PDSS2: variants seen among roughly 807,000 people sequenced by gnomAD.
The protein encoded by PDSS2 is decaprenyl diphosphate synthase subunit 2.
A neutral mutation model predicts 44.5 loss-of-function variants in PDSS2; 31 were observed. That is an observed-to-expected ratio of 0.70 (90% CI 0.52 to 0.94). PDSS2 has a LOEUF of 0.94. Ranked by LOEUF, PDSS2 falls within the 40% of genes least tolerant of loss-of-function variation. PDSS2 has a pLI of 0.00. For missense variants in PDSS2, 452 were observed against 482.2 expected (o/e 0.94, Z 0.59); for synonymous variants, 157 against 180.3 (o/e 0.87, Z 1.03).
Position 107,245,556 on chromosome 6 carries a change from T to C in PDSS2, c.694A>G (p.Thr232Ala). 1.3e-6 allele frequency: 2 copies of C among 1,569,532 alleles called. No homozygotes were observed. The highest frequency in any genetic ancestry group is 1.7e-6 in the Non-Finnish European group (2 of 1,143,550). ...LVQGVYHENS[T>A]SKESYITDDI... ...ACTCTGAAATCCTTTACCTTTGAAG[T>C]AGAATTTTCATGATATACTCCTTGT... The change falls in exon 4 of 8, where the codon ACT becomes GCT. Residue 232 changes from threonine (T) to alanine (A), a missense_variant. Transcript: ENST00000369037.
At chr6:107,350,961 A>C (rs1778415744) in intron 1 of PDSS2, among the ~76,000 whole-genome samples, 1 of 152,240 alleles carries the variant, frequency 6.6e-6, no homozygotes, top group African/African-American at 2.4e-5. Context: ...GCTTTTAAAA[A>C]GATGATGCAA....
intron 1 of PDSS2, among the ~76,000 whole-genome samples, chr6:107,433,357 G>T (rs1304155410): frequency 6.6e-6 from 1 of 151,894 alleles, no homozygotes; most frequent in Non-Finnish European, 1.5e-5. Flanking sequence ...CACATTACTG[G>T]CTTCAAATTA....
chr6:107,320,435 T>C (rs2115168535), intron 2 of PDSS2, among the ~76,000 whole-genome samples: 1 of 152,278 alleles, frequency 6.6e-6, no homozygotes, highest in Non-Finnish European at 1.5e-5. Context: ...TGTAATGGTT[T>C]CCAAAAATAA....
chr6:107,234,496 C>G (rs576696072), intron 4 of PDSS2, among the ~76,000 whole-genome samples: 1 of 151,694 alleles, frequency 6.6e-6, no homozygotes, highest in Admixed American at 6.6e-5. Flanking sequence ...TAAGCCACCA[C>G]GCCTGGCTCT....
At chr6:107,442,847 T>C (rs899740099) in intron 1 of PDSS2, among the ~76,000 whole-genome samples, 1 of 152,380 alleles carries the variant, frequency 6.6e-6, no homozygotes, top group Admixed American at 6.5e-5. Flanking sequence ...CACTACTGCC[T>C]AAGTTTATAA....
At chr6:107,193,880 TTTG>T in intron 6 of PDSS2, 26 bp from the exon 7 acceptor site, 1 of 1,506,126 alleles carries the variant, frequency 6.6e-7, no homozygotes, top group Admixed American at 1.7e-5. Flanking sequence ...GGAAAATTAA[TTTG>T]TTACTTCTCT....
At chr6:107,300,949 A>C (rs567240090) in intron 2 of PDSS2, among the ~76,000 whole-genome samples, 3 of 151,940 alleles carry the variant, frequency 2.0e-5, no homozygotes, top group Admixed American at 6.6e-5. Flanking sequence ...TCCTATAAAG[A>C]CTCCCTGAGT....
At chr6:107,387,276 T>C (rs1464770651) in intron 1 of PDSS2, among the ~76,000 whole-genome samples, 1 of 152,220 alleles carries the variant, frequency 6.6e-6, no homozygotes, top group African/African-American at 2.4e-5. Context: ...ACCTGTAGCC[T>C]CTGACCTGCC....
At chr6:107,427,244 C>T (rs1781034238) in intron 1 of PDSS2, among the ~76,000 whole-genome samples, 1 of 152,158 alleles carries the variant, frequency 6.6e-6, no homozygotes, top group Non-Finnish European at 1.5e-5. Context: ...TGCACAATCT[C>T]TTTTTGCCTG....
At chr6:107,395,539 T>C (rs1364857539) in intron 1 of PDSS2, among the ~76,000 whole-genome samples, 1 of 152,134 alleles carries the variant, frequency 6.6e-6, no homozygotes, top group Non-Finnish European at 1.5e-5. Flanking sequence ...GTATCTAACT[T>C]GTCTGTAATT....
At chr6:107,269,336 GTGTC>G (rs1208965404) in intron 3 of PDSS2, among the ~76,000 whole-genome samples, 6 of 119,214 alleles carry the variant, frequency 5.0e-5, no homozygotes, top group African/African-American at 1.2e-4. Flanking sequence ...CTCATTTCGT[GTGTC>G]TGTGTGTGTG....
chr6:107,324,892 T>C (rs1430233515), intron 2 of PDSS2, among the ~76,000 whole-genome samples: 2 of 152,184 alleles, frequency 1.3e-5, no homozygotes, highest in Non-Finnish European at 2.9e-5. Flanking sequence ...CGAATTCTAA[T>C]GTGTGGAATG....
At chr6:107,332,957 T>C (rs1777759062) in intron 2 of PDSS2, among the ~76,000 whole-genome samples, 2 of 152,198 alleles carry the variant, frequency 1.3e-5, no homozygotes, top group Non-Finnish European at 2.9e-5. Flanking sequence ...TGGGCATTTG[T>C]AGTCACAACA....
intron 1 of PDSS2, among the ~76,000 whole-genome samples, chr6:107,354,474 T>C (rs1364338642): frequency 2.0e-5 from 3 of 152,254 alleles, no homozygotes; most frequent in Non-Finnish European, 4.4e-5. Context: ...ATACAGGTAC[T>C]CTGAATTCCA....
chr6:107,397,921 T>C (rs1362843522), intron 1 of PDSS2, among the ~76,000 whole-genome samples: 1 of 152,110 alleles, frequency 6.6e-6, no homozygotes, highest in African/African-American at 2.4e-5. Flanking sequence ...GAAGCATACC[T>C]CAGTAAACCA....
intron 1 of PDSS2, among the ~76,000 whole-genome samples, chr6:107,352,375 T>C (rs1778458841): frequency 6.6e-6 from 1 of 152,226 alleles, no homozygotes; most frequent in Non-Finnish European, 1.5e-5. Flanking sequence ...CTTCCTCCCA[T>C]TTTTTATATA....
At chr6:107,402,311 A>G (rs903165193) in intron 1 of PDSS2, among the ~76,000 whole-genome samples, 32 of 150,126 alleles carry the variant, frequency 2.1e-4, no homozygotes, top group Non-Finnish European at 4.1e-4. Flanking sequence ...CAAACAAAAA[A>G]AACAAAAAAG....
chr6:107,401,710 T>A lies in PDSS2; in HGVS notation c.296+57280A>T, dbSNP rs370656032. 2.6e-5 allele frequency among the ~76,000 whole-genome samples: 4 copies of A among 152,038 alleles called. No individual in the cohort carries two copies. In the East Asian group the frequency reaches 7.7e-4, roughly 29 times the overall value. ...CAGGATATGAACAAGAAACACAACT[T>A]CTAGAAATGAAAAACTTGTTCAAGG... is the stretch of plus-strand genomic sequence containing the variant. On this transcript the variant is annotated intron_variant, in intron 1 of 7. Coordinates refer to ENST00000369037, the MANE Select transcript of PDSS2 (RefSeq NM_020381.4).
intron 6 of PDSS2, among the ~76,000 whole-genome samples, chr6:107,198,803 C>CAACAAT (rs1554252785): frequency 2.1e-5 from 1 of 47,588 alleles, no homozygotes; most frequent in Non-Finnish European, 3.9e-5. Context: ...CAAACAATAA[C>CAACAAT]AACAACAACA....
Sources: gnomAD v4.1 joint callset for allele counts (sites outside exome capture counted in the v4.1 genomes callset) on GRCh38, gnomAD v4.1.1 for gene constraint, MANE v1.5 for transcripts, NCBI Gene and HGNC (gene_info 2026-07-23, HGNC 2026-07-21) for gene names.